Variants in GAB4 observed in about 807,000 individuals in gnomAD.
The protein encoded by GAB4 is GRB2-associated-binding protein 4.
Under a neutral mutation model 51.3 loss-of-function variants are expected in GAB4, and 26 were observed. The ratio of observed to expected loss-of-function variants is 0.51; its 90% CI spans 0.37 to 0.70. GAB4 has a LOEUF of 0.70. GAB4 is among the 30% of genes least tolerant of loss of function. The pLI is 0.00. For missense variants in GAB4, 759 were observed against 734.6 expected (o/e 1.03, Z -0.38); for synonymous variants, 329 against 291.2 (o/e 1.13, Z -1.32).
At chr22:17,002,733 G>A (rs1312605518) in intron 1 of GAB4, among the ~76,000 whole-genome samples, 2 of 152,082 alleles carry the variant, frequency 1.3e-5, no homozygotes, top group Non-Finnish European at 2.9e-5. Context: ...GTTAAATGAC[G>A]AGTTAATGGG....
At chr22:16,990,047 T>C (rs1156628512) in intron 2 of GAB4, among the ~76,000 whole-genome samples, 4 of 152,084 alleles carry the variant, frequency 2.6e-5, no homozygotes, top group Non-Finnish European at 5.9e-5. Flanking sequence ...AGCATGACTG[T>C]CCACTGCACT....
intron 8 of GAB4, among the ~76,000 whole-genome samples, chr22:16,964,111 A>T (rs552215889): frequency 2.0e-5 from 3 of 152,022 alleles, no homozygotes; most frequent in Non-Finnish European, 4.4e-5. Context: ...CTCCCCCTCC[A>T]GCTCCCAGAG....
chr22:17,001,646 C>T (rs1352826391), intron 1 of GAB4, among the ~76,000 whole-genome samples: 7 of 152,192 alleles, frequency 4.6e-5, no homozygotes, highest in East Asian at 1.9e-4. Context: ...TCTGTCAACT[C>T]GTCAAAGTCA....
At chr22:16,980,124 C>A (rs2060815047) in intron 3 of GAB4, among the ~76,000 whole-genome samples, 1 of 152,082 alleles carries the variant, frequency 6.6e-6, no homozygotes, top group Non-Finnish European at 1.5e-5. Flanking sequence ...AATAAAACAC[C>A]AAAAGCAATG....
Position 16,966,186 on chromosome 22 carries a change from G to T in GAB4, c.1202C>A (p.Thr401Lys), listed in dbSNP as rs756017041. The T allele has an allele frequency of 1.2e-6, 2 of 1,614,098 alleles. No individual in the cohort carries two copies. The highest frequency in any genetic ancestry group is 1.7e-6 in the Non-Finnish European group (2 of 1,180,000). ...GAGGTCTTGGTGCATAGAAAGCTCT[G>T]TGAGTGGGGAGCCAAGCAGGTCAAA... The part of the protein sequence containing the change: ...VRFDLLGSPL[T>K]ELSMHQDLSQ... Residue 401 changes from threonine to lysine, a missense_variant, in exon 6 of 10, where the codon ACA (threonine) becomes AAA (lysine). Physicochemically the swap from Thr to Lys is moderately conservative, Grantham distance 78. Transcript: ENST00000400588.
intron 3 of GAB4, among the ~76,000 whole-genome samples, chr22:16,973,400 T>C (rs747397261): frequency 6.6e-6 from 1 of 152,208 alleles, no homozygotes; most frequent in Non-Finnish European, 1.5e-5. Context: ...TCCTTTTTCC[T>C]GAGCTTGGCC....
chr22:17,002,717 C>T (rs1056304500), intron 1 of GAB4, among the ~76,000 whole-genome samples: 5 of 152,024 alleles, frequency 3.3e-5, no homozygotes, highest in East Asian at 3.9e-4. Flanking sequence ...AGGAGATATA[C>T]CTAATGTTAA....
At chr22:16,978,656 G>C (rs189210078) in intron 3 of GAB4, among the ~76,000 whole-genome samples, 28 of 152,208 alleles carry the variant, frequency 1.8e-4, no homozygotes, top group African/African-American at 5.5e-4. Flanking sequence ...AATAGAAAAA[G>C]ATGGACTCCT....
chr22:16,991,852 G>A, intron 2 of GAB4, 21 bp downstream of exon 2: 1 of 1,589,774 alleles, frequency 6.3e-7, no homozygotes, highest in South Asian at 1.1e-5. Context: ...TCCTGAGACA[G>A]GGCTGTGTGT....
Position 16,988,110 on chromosome 22 carries a change from G to T in GAB4, c.536C>A (p.Pro179His). The T allele has an allele frequency of 6.2e-7, 1 of 1,612,064 alleles. No homozygotes were observed. Among genetic ancestry groups the T allele is most frequent in the Non-Finnish European group, 8.5e-7 (1 of 1,179,016 alleles). Residue 179 changes from proline to histidine, a missense_variant, in exon 3 of 10, where the codon CCC becomes CAC. By Grantham distance (77) the Pro-to-His change is moderately conservative. Around this residue, in one of 3 missense-constraint regions of GAB4, gnomAD observed 88 missense variants for 151.3 expected, o/e 0.58. Coordinates refer to ENST00000400588, the MANE Select transcript of GAB4 (RefSeq NM_001037814.1). ...SHGLCSSPAE[P>H]SCSHQHLPQE... The stretch of plus-strand genomic sequence containing the variant: ...GGGGAGGTGCTGATGGGAGCAGCTG[G>T]GCTCAGCTGGAGAAGAGCAGAGGCC...
intron 1 of GAB4, among the ~76,000 whole-genome samples, chr22:17,001,643 A>G (rs1334407914): frequency 2.6e-5 from 4 of 152,104 alleles, no homozygotes; most frequent in South Asian, 2.1e-4. Flanking sequence ...TCTTCTGTCA[A>G]CTCGTCAAAG....
chr22:17,006,766 A>G (rs558827185), intron 1 of GAB4, among the ~76,000 whole-genome samples: 1 of 152,322 alleles, frequency 6.6e-6, no homozygotes, highest in African/African-American at 2.4e-5. Flanking sequence ...ACAGAAAACC[A>G]AACACCGCCA....
intron 3 of GAB4, among the ~76,000 whole-genome samples, chr22:16,980,847 G>A (rs1371706313): frequency 5.9e-5 from 9 of 152,116 alleles, no homozygotes; most frequent in Non-Finnish European, 7.3e-5. Flanking sequence ...ATGAGTTCAC[G>A]TCCTTTGCAG....
chr22:17,003,147 T>G (rs1021631155), intron 1 of GAB4, among the ~76,000 whole-genome samples: 6 of 152,172 alleles, frequency 3.9e-5, no homozygotes, highest in African/African-American at 1.4e-4. Flanking sequence ...TAAATATATA[T>G]GCACCCAAGA....
chr22:16,982,612 C>G (rs1350343209), intron 3 of GAB4, among the ~76,000 whole-genome samples: 3 of 152,104 alleles, frequency 2.0e-5, no homozygotes, highest in African/African-American at 7.2e-5. Context: ...CAATGCCTAT[C>G]AAAATACATT....
At chr22:16,985,118 G>A (rs73147659) in intron 3 of GAB4, among the ~76,000 whole-genome samples, 3,362 of 152,302 alleles carry the variant, frequency 0.022, 57 homozygotes, top group Middle Eastern at 0.068. Flanking sequence ...ATCCTGCAGT[G>A]GGTCTGCCAC....
intron 6 of GAB4, 145 bp from the exon 7 acceptor site, chr22:16,965,413 G>A: frequency 4.6e-6 from 3 of 657,306 alleles, no homozygotes; most frequent in Non-Finnish European, 8.2e-6. Context: ...GGCTTGGCAA[G>A]GCTCTATCGG....
In GAB4 at chr22:16,966,369, G is replaced by A. The variant is rs117434257; in HGVS notation, c.1024-5C>T. On this transcript the variant is annotated splice_region_variant and splice_polypyrimidine_tract_variant and intron_variant, in intron 5 of 9. Coordinates refer to ENST00000400588, the MANE Select transcript of GAB4 (RefSeq NM_001037814.1). Reference sequence around the variant, plus strand: ...GCCCACAAGCGTTCTTCCTGGCTAGGAAGAGGACAGTGAAAGAAACACAGC... The same window carrying A: ...GCCCACAAGCGTTCTTCCTGGCTAGAAAGAGGACAGTGAAAGAAACACAGC... The A allele has an allele frequency of 2.3e-5, 37 of 1,607,464 alleles. No homozygotes were observed. The highest frequency in any genetic ancestry group is 3.0e-5 in the Non-Finnish European group (35 of 1,175,570).
intron 1 of GAB4, among the ~76,000 whole-genome samples, chr22:16,998,681 T>C (rs1314852675): frequency 1.3e-5 from 2 of 152,354 alleles, no homozygotes; most frequent in Admixed American, 1.3e-4. Context: ...TCCAATGCTA[T>C]GTTGAATAGG....
Sources: gnomAD v4.1 joint callset for allele counts (sites outside exome capture counted in the v4.1 genomes callset) on GRCh38, gnomAD v4.1.1 for gene constraint, gnomAD v4.1.1 regional missense constraint, MANE v1.5 for transcripts, NCBI Gene and HGNC (gene_info 2026-07-23, HGNC 2026-07-21) for gene names.